The following RNF111 variants were observed in gnomAD, a reference collection of about 807,000 sequenced individuals.
RNF111 encodes the protein ring finger protein 111.
RNF111 carries 17 observed loss-of-function variants against 95.1 expected under a neutral mutation model. That is an observed-to-expected ratio of 0.18 (90% CI 0.12 to 0.27). RNF111 has a LOEUF of 0.27. Among genes scored for constraint, RNF111 ranks in the 10% least tolerant of loss-of-function variants. The probability of loss-of-function intolerance (pLI) is 1.00; values close to 1 mark genes in which losing one functional copy is unlikely to be tolerated. For missense variants in RNF111, 1,189 were observed against 1,210.4 expected (o/e 0.98, Z 0.26); for synonymous variants, 440 against 414.8 (o/e 1.06, Z -0.74).
chr15:59,013,909 G>A (rs937336834), intron 1 of RNF111, among the ~76,000 whole-genome samples: 2 of 151,590 alleles, frequency 1.3e-5, no homozygotes, highest in Non-Finnish European at 2.9e-5. Flanking sequence ...ATGCCTCAGC[G>A]TCCCGAGTAG....
chr15:59,064,541 A>AAAG (rs2042575558), intron 5 of RNF111, among the ~76,000 whole-genome samples: 1 of 151,378 alleles, frequency 6.6e-6, no homozygotes, highest in South Asian at 2.1e-4. Flanking sequence ...GTCGCAAAAA[A>AAAG]AAAAAAAAAA....
At chr15:59,093,229 G>T (rs2079101587) in intron 13 of RNF111, among the ~76,000 whole-genome samples, 1 of 151,834 alleles carries the variant, frequency 6.6e-6, no homozygotes, top group Admixed American at 6.6e-5. Flanking sequence ...TGTAAATCTT[G>T]CAGAAATGAG....
rs780916422 is a variant in RNF111 at position 59,055,754 on chromosome 15, G to C, written c.1080G>C (p.Gln360His). 2 of 1,613,826 alleles carry C rather than the reference G, an allele frequency of 1.2e-6. No homozygotes were observed. Among genetic ancestry groups the C allele is most frequent in the African/African-American group, 2.7e-5 (2 of 74,894 alleles). The change falls in exon 4 of 14, where the codon CAG becomes CAC. Residue 360 changes from glutamine to histidine, a missense_variant. Transcript: ENST00000348370. The part of the protein sequence containing the change: ...QGSSSHASRP[Q>H]EPRNRSRIST... ...CCAGTTCTCATGCAAGTCGGCCACA[G>C]GAGCCACGGAACCGCAGTAGGATTT...
intron 7 of RNF111, among the ~76,000 whole-genome samples, chr15:59,078,698 A>G (rs531711779): frequency 3.3e-5 from 5 of 152,244 alleles, no homozygotes; most frequent in African/African-American, 1.2e-4. Flanking sequence ...GTCTCTACTA[A>G]AAATTCAAAA....
chr15:59,075,833 C>A (rs1043751551), intron 6 of RNF111, 121 bp from the exon 7 acceptor site: 4 of 1,069,824 alleles, frequency 3.7e-6, no homozygotes, highest in Admixed American at 2.7e-5. Context: ...TAAGAATCTT[C>A]CTGGTTTCAA....
intron 6 of RNF111, among the ~76,000 whole-genome samples, chr15:59,073,033 G>T (rs572312834): frequency 2.0e-5 from 3 of 152,220 alleles, no homozygotes; most frequent in South Asian, 4.2e-4. Flanking sequence ...TTAGCTGGGT[G>T]CAGTGGCACG....
At chr15:59,021,526 T>A (rs2040342541) in intron 1 of RNF111, among the ~76,000 whole-genome samples, 1 of 152,332 alleles carries the variant, frequency 6.6e-6, no homozygotes, top group East Asian at 1.9e-4. Flanking sequence ...GTCTTATGTA[T>A]GTACCTGCTC....
chr15:59,076,059 C>G lies in RNF111; in HGVS notation c.1792C>G (p.Arg598Gly). 6.2e-7 allele frequency: 1 copy of G among 1,614,204 alleles called. No individual in the cohort carries two copies. Among genetic ancestry groups the G allele is most frequent in the Non-Finnish European group, 8.5e-7 (1 of 1,180,042 alleles). Reference sequence around the variant, plus strand: ...CCCCTGCTGCCCTGTTTCTTCCTCCCGAGCTGCAATCTTTGGCCATCAGGC... The same window carrying G: ...CCCCTGCTGCCCTGTTTCTTCCTCCGGAGCTGCAATCTTTGGCCATCAGGC... ...FDPCCPVSSS[R>G]AAIFGHQAAA... is the part of the protein sequence containing the mutation. The change falls in exon 7 of 14, where the codon CGA becomes GGA. Residue 598 changes from arginine (R) to glycine (G), a missense_variant. This residue lies in a region of RNF111 where 1,024 missense variants were observed against 925.9 expected (regional missense o/e 1.11). Coordinates refer to ENST00000348370, the MANE Select transcript of RNF111 (RefSeq NM_017610.8).
intron 1 of RNF111, among the ~76,000 whole-genome samples, chr15:58,992,678 G>A (rs866486701): frequency 1.3e-5 from 2 of 152,020 alleles, no homozygotes; most frequent in African/African-American, 4.8e-5. Flanking sequence ...AAATTAGACA[G>A]GCATAATGGC....
At chr15:59,038,472 AAGT>A (rs1456899974) in intron 2 of RNF111, among the ~76,000 whole-genome samples, 2 of 152,136 alleles carry the variant, frequency 1.3e-5, no homozygotes, top group African/African-American at 2.4e-5. Context: ...CTTTTTGTAA[AAGT>A]AGCATTGATT....
chr15:59,000,644 T>C (rs57057009), intron 1 of RNF111, among the ~76,000 whole-genome samples: 3,295 of 150,740 alleles, frequency 0.022, 73 homozygotes, highest in African/African-American at 0.044. Flanking sequence ...GGGAGGCAGA[T>C]GTTTCAGTGA....
At chr15:59,058,285 A>C in intron 4 of RNF111, 71 bp from the exon 5 acceptor site, 1 of 1,215,572 alleles carries the variant, frequency 8.2e-7, no homozygotes, top group East Asian at 2.3e-5. Flanking sequence ...TAAACACATT[A>C]GCTTACATTA....
At chr15:59,087,459 T>A (rs1305437729) in intron 10 of RNF111, among the ~76,000 whole-genome samples, 1 of 152,210 alleles carries the variant, frequency 6.6e-6, no homozygotes, top group Non-Finnish European at 1.5e-5. Flanking sequence ...TCTTAACTAC[T>A]AATAGTCTAT....
intron 1 of RNF111, among the ~76,000 whole-genome samples, chr15:59,018,391 T>C (rs1043167553): frequency 5.3e-5 from 8 of 152,228 alleles, no homozygotes; most frequent in Non-Finnish European, 1.2e-4. Context: ...CCAAGATTCC[T>C]GTAAAAATTG....
chr15:58,996,949 AATT>A (rs2039102551), intron 1 of RNF111, among the ~76,000 whole-genome samples: 1 of 151,970 alleles, frequency 6.6e-6, no homozygotes, highest in Admixed American at 6.6e-5. Flanking sequence ...AGCTCTCAAA[AATT>A]ATTTCTGTAG....
chr15:59,087,226 G>T (rs1790561043), intron 10 of RNF111, among the ~76,000 whole-genome samples: 1 of 152,198 alleles, frequency 6.6e-6, no homozygotes. Context: ...GGAAAAATGT[G>T]CAGAGTGACA....
rs1257425623 is a variant in RNF111 at position 58,987,713 on chromosome 15, G to T, written c.-375G>T. 5.6e-6 allele frequency: 1 copy of T among 179,940 alleles called. No homozygotes were observed. The highest frequency in any genetic ancestry group is 1.1e-5 in the Non-Finnish European group (1 of 88,360). 11.1% of individuals were successfully genotyped at this position (179,940 alleles called of 1,614,324 possible). ...AGGAATTGGTTAGGCGGCGGCGGCG[G>T]CGAAGCGGCGGCGGCGGCTGTAGGG... On this transcript the variant is annotated 5_prime_UTR_variant, in exon 1 of 14. Transcript: ENST00000348370.
At chr15:59,010,972 T>C (rs2039774271) in intron 1 of RNF111, among the ~76,000 whole-genome samples, 1 of 152,212 alleles carries the variant, frequency 6.6e-6, no homozygotes, top group African/African-American at 2.4e-5. Context: ...AGAAGTCATC[T>C]AATTTCCCCT....
At position 59,055,625 on chromosome 15, in the gene RNF111, G is replaced by T. The variant is rs189064869; in HGVS notation, c.1008-57G>T. On this transcript the variant is annotated intron_variant, in intron 3 of 13. Transcript: ENST00000348370. Reference sequence around the variant, plus strand: ...TAGTAAGAAAGGCTTATGGGTTTTTGTGGTGACTAAAAATTCTTTATTTAT... The same window carrying T: ...TAGTAAGAAAGGCTTATGGGTTTTTTTGGTGACTAAAAATTCTTTATTTAT... 36 of 1,310,706 alleles carry T rather than the reference G, an allele frequency of 2.7e-5. No homozygotes were observed. The East Asian group carries it at 8.7e-4, about 32-fold the overall frequency. The allele number at this position is 1,310,706 out of a possible 1,614,324, so 81.2% of individuals were successfully genotyped here.
Sources: gnomAD v4.1 joint callset for allele counts (sites outside exome capture counted in the v4.1 genomes callset) on GRCh38, gnomAD v4.1.1 for gene constraint, gnomAD v4.1.1 regional missense constraint, MANE v1.5 for transcripts, NCBI Gene and HGNC (gene_info 2026-07-23, HGNC 2026-07-21) for gene names.